GRID2: variants seen among roughly 807,000 people sequenced by gnomAD.
GRID2 encodes glutamate ionotropic receptor delta type subunit 2.
Under a neutral mutation model 114.8 loss-of-function variants are expected in GRID2, and 33 were observed. The observed-to-expected ratio is 0.29, with a 90% CI of 0.22 to 0.38. The LOEUF is 0.38. Ranked by LOEUF, GRID2 falls within the 10% of genes least tolerant of loss-of-function variation. The pLI, the probability that GRID2 is intolerant of heterozygous loss-of-function variation, is 1.00. For missense variants in GRID2, 1,184 were observed against 1,257.7 expected, an observed-to-expected ratio of 0.94 and a Z score of 0.89; for synonymous variants, 505 against 449.9, an observed-to-expected ratio of 1.12 and a Z score of -1.55.
At chr4:92,879,532 C>T (rs550363043) in intron 2 of GRID2, among the ~76,000 whole-genome samples, 95 of 152,186 alleles carry the variant, frequency 6.2e-4, no homozygotes, top group Non-Finnish European at 1.1e-3. Context: ...CACCTTTGTT[C>T]TGGAAGTGTT....
At chr4:93,619,017 A>G (rs991476412) in intron 13 of GRID2, among the ~76,000 whole-genome samples, 2 of 152,132 alleles carry the variant, frequency 1.3e-5, no homozygotes, top group African/African-American at 4.8e-5. Flanking sequence ...TGGGCATAAC[A>G]CTTCTTTTCT....
chr4:92,836,561 G>C (rs950911711), intron 2 of GRID2, among the ~76,000 whole-genome samples: 1 of 151,902 alleles, frequency 6.6e-6, no homozygotes, highest in Non-Finnish European at 1.5e-5. Flanking sequence ...GAAAATATTT[G>C]CATTGTTATA....
At chr4:92,525,259 A>G (rs1724987979) in intron 1 of GRID2, among the ~76,000 whole-genome samples, 1 of 151,546 alleles carries the variant, frequency 6.6e-6, no homozygotes, top group Non-Finnish European at 1.5e-5. Context: ...TTAGAGTCAG[A>G]TTGGTACTCG....
intron 3 of GRID2, among the ~76,000 whole-genome samples, chr4:93,091,603 T>C (rs1730796464): frequency 6.6e-6 from 1 of 152,168 alleles, no homozygotes; most frequent in Admixed American, 6.6e-5. Context: ...GTGTATTTCA[T>C]CCTAATAACT....
At chr4:92,741,360 T>A (rs1454713310) in intron 2 of GRID2, among the ~76,000 whole-genome samples, 1 of 152,168 alleles carries the variant, frequency 6.6e-6, no homozygotes, top group Non-Finnish European at 1.5e-5. Flanking sequence ...TTGCCATAAA[T>A]GTAGTCCCCC....
intron 1 of GRID2, among the ~76,000 whole-genome samples, chr4:92,562,785 T>C (rs901744666): frequency 3.9e-5 from 6 of 152,184 alleles, no homozygotes; most frequent in Admixed American, 2.0e-4. Context: ...TTAGTAAAAA[T>C]TCAATTTATC....
chr4:92,621,570 A>G (rs1730276736), intron 2 of GRID2, among the ~76,000 whole-genome samples: 1 of 151,744 alleles, frequency 6.6e-6, no homozygotes, highest in Non-Finnish European at 1.5e-5. Flanking sequence ...CTGAGGTGGG[A>G]GGATTGTATG....
intron 2 of GRID2, among the ~76,000 whole-genome samples, chr4:92,932,592 A>G (rs1308281169): frequency 1.3e-5 from 2 of 151,358 alleles, no homozygotes; most frequent in Non-Finnish European, 3.0e-5. Flanking sequence ...TCATATGTCC[A>G]CCAAAATACT....
At chr4:93,614,177 C>G (rs767860571) in intron 13 of GRID2, among the ~76,000 whole-genome samples, 30 of 152,186 alleles carry the variant, frequency 2.0e-4, no homozygotes, top group Admixed American at 4.6e-4. Context: ...AGCTCGCGCA[C>G]GGTGCGTGCA....
At position 93,043,086 on chromosome 4, in the gene GRID2, T is replaced by C. The variant is rs78157150; in HGVS notation, c.245-41909T>C. 5.4e-4 allele frequency among the ~76,000 whole-genome samples: 82 copies of C among 152,260 alleles called. No homozygotes were observed. The East Asian group carries it at 0.012, about 23-fold the overall frequency. ...TCCTTTATCTTTGCTAGGCAAGATA[T>C]CAAGGTCTGTTAATGAATAAGATTA... On this transcript the variant is annotated intron_variant, in intron 2 of 15. Coordinates refer to ENST00000282020, the MANE Select transcript of GRID2 (RefSeq NM_001510.4).
chr4:93,200,765 T>C (rs746297878), intron 4 of GRID2, among the ~76,000 whole-genome samples: 42 of 152,164 alleles, frequency 2.8e-4, no homozygotes, highest in Non-Finnish European at 4.7e-4. Context: ...CCTTTAGAAA[T>C]GTGTGGCTAA....
At chr4:93,338,016 C>T (rs904474380) in intron 8 of GRID2, among the ~76,000 whole-genome samples, 9 of 152,252 alleles carry the variant, frequency 5.9e-5, no homozygotes, top group African/African-American at 2.2e-4. Context: ...TAACAATGTG[C>T]TGGTAAATTA....
intron 14 of GRID2, among the ~76,000 whole-genome samples, chr4:93,718,875 G>T (rs1459442966): frequency 6.6e-6 from 1 of 152,106 alleles, no homozygotes; most frequent in African/African-American, 2.4e-5. Context: ...CAAATTCTAT[G>T]AGTCAATTTT....
intron 8 of GRID2, among the ~76,000 whole-genome samples, chr4:93,324,096 T>C (rs1332597512): frequency 2.6e-5 from 4 of 151,980 alleles, no homozygotes; most frequent in Non-Finnish European, 5.9e-5. Flanking sequence ...TGAACAGGAG[T>C]GGTGAGAGAG....
At chr4:92,699,955 G>A (rs1734591562) in intron 2 of GRID2, among the ~76,000 whole-genome samples, 1 of 152,116 alleles carries the variant, frequency 6.6e-6, no homozygotes, top group Admixed American at 6.5e-5. Context: ...CAATGTAAAT[G>A]TATCTATTAA....
At chr4:93,052,700 A>T (rs1162547588) in intron 2 of GRID2, among the ~76,000 whole-genome samples, 1 of 152,062 alleles carries the variant, frequency 6.6e-6, no homozygotes, top group South Asian at 2.1e-4. Flanking sequence ...TACAATGACA[A>T]TTCTTTTAAT....
intron 13 of GRID2, among the ~76,000 whole-genome samples, chr4:93,534,104 A>G (rs1435772205): frequency 6.6e-6 from 1 of 151,652 alleles, no homozygotes; most frequent in East Asian, 2.0e-4. Context: ...CTACTTTCTC[A>G]CCATATTTGA....
At chr4:92,428,989 A>G (rs1732301084) in intron 1 of GRID2, among the ~76,000 whole-genome samples, 1 of 151,964 alleles carries the variant, frequency 6.6e-6, no homozygotes, top group Non-Finnish European at 1.5e-5. Flanking sequence ...TACATTAGCT[A>G]TTTCTTCTAA....
At chr4:92,687,689 C>T (rs951700761) in intron 2 of GRID2, among the ~76,000 whole-genome samples, 4 of 151,912 alleles carry the variant, frequency 2.6e-5, no homozygotes, top group African/African-American at 4.8e-5. Flanking sequence ...ATTAGCTGGG[C>T]GTTGTGGCCC....
Sources: allele counts gnomAD v4.1 joint callset (sites outside exome capture counted in the v4.1 genomes callset), GRCh38; gene constraint gnomAD v4.1.1; transcripts MANE v1.5; gene names NCBI Gene and HGNC (gene_info 2026-07-23, HGNC 2026-07-21).